RAB19: variants seen among roughly 807,000 people sequenced by gnomAD.
The protein encoded by RAB19 is RAB19, member RAS oncogene family, also known as ras-related protein Rab-19.
A neutral mutation model predicts 17.3 loss-of-function variants in RAB19; 21 were observed. The observed-to-expected ratio is 1.21, with a 90% CI of 0.86 to 1.74. The LOEUF (loss-of-function observed/expected upper bound fraction) is 1.74, where lower values mean the gene tolerates loss of function less well. Among genes scored for constraint, RAB19 ranks in the 40% most tolerant of loss-of-function variants. RAB19 has a pLI of 0.00. For synonymous variants in RAB19, 126 were observed against 110.4 expected, an observed-to-expected ratio of 1.14 and a Z score of -0.88; for missense variants, 277 against 286.8, an observed-to-expected ratio of 0.97 and a Z score of 0.25.
intron 1 of RAB19, 165 bp from the exon 2 acceptor site, chr7:140,407,459 G>C: frequency 1.7e-6 from 1 of 584,892 alleles, no homozygotes; most frequent in South Asian, 2.0e-5. Flanking sequence ...ATCAACACAC[G>C]TAGGGCAGAT....
At chr7:140,417,476 G>A (rs998592194) in intron 3 of RAB19, among the ~76,000 whole-genome samples, 12 of 152,078 alleles carry the variant, frequency 7.9e-5, no homozygotes, top group Admixed American at 4.6e-4. Flanking sequence ...GGCTGCAGGG[G>A]TTCCTTTTCC....
At position 140,426,254 on chromosome 7, in the gene RAB19, G is replaced by A. The variant is rs1799670909; in HGVS notation, c.*104G>A. The A allele has an allele frequency of 1.5e-6, 2 of 1,358,496 alleles. No individual in the cohort carries two copies. The highest frequency in any genetic ancestry group is 1.4e-5 in the South Asian group (1 of 69,202). 84.2% of individuals were successfully genotyped at this position (1,358,496 alleles called of 1,614,324 possible). A position where few individuals can be genotyped will look rare whatever the true frequency, so the allele number is the denominator to read the frequency against. On this transcript the variant is annotated 3_prime_UTR_variant, in exon 4 of 4. Transcript: ENST00000537763. ...CCAGTGGCGCTTTAGACCCCAGCGT[G>A]GACTTGCCGCTCACCCCTAATCCTC...
chr7:140,414,953 C>T (rs1244229598), intron 3 of RAB19, among the ~76,000 whole-genome samples: 1 of 152,094 alleles, frequency 6.6e-6, no homozygotes, highest in East Asian at 1.9e-4. Flanking sequence ...TGTACATATT[C>T]CTGAACATGG....
chr7:140,414,987 G>A (rs1282437681), intron 3 of RAB19, among the ~76,000 whole-genome samples: 1 of 151,964 alleles, frequency 6.6e-6, no homozygotes, highest in Non-Finnish European at 1.5e-5. Flanking sequence ...TCAGGTCCCA[G>A]CCCTGCTTTC....
intron 1 of RAB19, among the ~76,000 whole-genome samples, chr7:140,406,892 G>GTT (rs200062741): frequency 2.7e-5 from 4 of 146,574 alleles, no homozygotes; most frequent in African/African-American, 1.0e-4. Flanking sequence ...TTTTTTGGGT[G>GTT]TTTTTTTTTT....
chr7:140,410,701 C>T (rs1006902719), intron 2 of RAB19, among the ~76,000 whole-genome samples: 11 of 57,650 alleles, frequency 1.9e-4, no homozygotes, highest in Admixed American at 6.9e-4. Context: ...TTAAGCGATC[C>T]GCCACCTCAG....
intron 1 of RAB19, 91 bp from the exon 2 acceptor site, chr7:140,407,533 G>C: frequency 1.1e-6 from 1 of 869,678 alleles, no homozygotes; most frequent in South Asian, 1.5e-5. Context: ...CTCTCACAAG[G>C]ATGTAGCACT....
intron 3 of RAB19, among the ~76,000 whole-genome samples, chr7:140,417,583 T>A (rs1799483149): frequency 6.6e-6 from 1 of 152,098 alleles, no homozygotes; most frequent in Admixed American, 6.6e-5. Context: ...AACACACGCA[T>A]GGTTCTCTTG....
intron 2 of RAB19, among the ~76,000 whole-genome samples, chr7:140,408,173 C>T (rs770792975): frequency 2.0e-5 from 3 of 151,850 alleles, no homozygotes; most frequent in Non-Finnish European, 4.4e-5. Flanking sequence ...GTGTGAGCCA[C>T]CGCGCCTGGC....
rs183743190 is a variant in RAB19, at chr7:140,427,540, C to T, written c.*1390C>T. Among the ~76,000 whole-genome samples, 5 of 150,254 alleles carry T rather than the reference C, an allele frequency of 3.3e-5. No homozygotes were observed. Among genetic ancestry groups the T allele is most frequent in the East Asian group, 2.0e-4 (1 of 5,054 alleles). ...GACCTCGGCTCACTGCAACTTCTGCCTTCCAGATTCAAGTGATTCTCCTGC... is the reference window on the plus strand; with the variant it reads ...GACCTCGGCTCACTGCAACTTCTGCTTTCCAGATTCAAGTGATTCTCCTGC... On this transcript the variant is annotated 3_prime_UTR_variant, in exon 4 of 4. Coordinates refer to ENST00000537763, the MANE Select transcript of RAB19 (RefSeq NM_001008749.3).
intron 2 of RAB19, 86 bp downstream of exon 2, chr7:140,407,933 C>T (rs1442557896): frequency 1.8e-5 from 18 of 1,018,378 alleles, no homozygotes; most frequent in African/African-American, 1.2e-4. Flanking sequence ...CGCGCGATCT[C>T]GGCTCACTGC....
chr7:140,418,368 A>G (rs1799497439), intron 3 of RAB19, among the ~76,000 whole-genome samples: 1 of 143,118 alleles, frequency 7.0e-6, no homozygotes, highest in African/African-American at 2.6e-5. Flanking sequence ...CCTGGGCAAC[A>G]TGGTGAAACC....
intron 3 of RAB19, among the ~76,000 whole-genome samples, chr7:140,424,591 CTCTCTCT>C (rs1799620038): frequency 1.5e-5 from 1 of 65,440 alleles, no homozygotes; most frequent in African/African-American, 1.1e-4. Flanking sequence ...CTCTCCCTCT[CTCTCTCT>C]CTCTCTCTCT....
intron 3 of RAB19, among the ~76,000 whole-genome samples, chr7:140,424,586 C>CCTCTCTCTCT (rs376517516): frequency 6.3e-5 from 8 of 127,636 alleles, no homozygotes; most frequent in African/African-American, 2.5e-4. Flanking sequence ...TGGACCTCTC[C>CCTCTCTCTCT]CTCTCTCTCT....
intron 3 of RAB19, among the ~76,000 whole-genome samples, chr7:140,418,857 TC>T (rs1799509654): frequency 2.9e-5 from 2 of 68,936 alleles, no homozygotes; most frequent in Non-Finnish European, 2.5e-5. Context: ...AAACCCTGTC[TC>T]AAAAAAAAAA....
intron 2 of RAB19, among the ~76,000 whole-genome samples, chr7:140,408,319 G>A (rs73476885): frequency 0.046 from 6,934 of 151,988 alleles, 499 homozygotes; most frequent in African/African-American, 0.16. Flanking sequence ...TCATGGAATG[G>A]GAAAATCAGG....
rs1047250071 is a variant in RAB19 at position 140,413,868 on chromosome 7, C to A, written c.385+1811C>A. ...AGCAATGGTGGCTCCCAGAGAAAGGCGGAATGCACGCATCTCACTTGGGAA... is the reference window on the plus strand; with the variant it reads ...AGCAATGGTGGCTCCCAGAGAAAGGAGGAATGCACGCATCTCACTTGGGAA... On this transcript the variant is annotated intron_variant, in intron 3 of 3. Transcript: ENST00000537763. Among the ~76,000 whole-genome samples the A allele has an allele frequency of 2.6e-5, 4 of 152,196 alleles. No homozygotes were observed. In the East Asian group the frequency reaches 5.8e-4, roughly 22 times the overall value.
At chr7:140,419,391 G>T (rs963976582) in intron 3 of RAB19, among the ~76,000 whole-genome samples, 1 of 151,930 alleles carries the variant, frequency 6.6e-6, no homozygotes, top group South Asian at 2.1e-4. Flanking sequence ...TGTTTTGTAC[G>T]TTATATATAA....
At chr7:140,421,234 C>T (rs1260616206) in intron 3 of RAB19, among the ~76,000 whole-genome samples, 1 of 152,080 alleles carries the variant, frequency 6.6e-6, no homozygotes, top group Non-Finnish European at 1.5e-5. Context: ...CTCTGTCACC[C>T]AGGCTGGAGT....
Sources: allele counts gnomAD v4.1 joint callset (sites outside exome capture counted in the v4.1 genomes callset), GRCh38; gene constraint gnomAD v4.1.1; transcripts MANE v1.5; gene names NCBI Gene and HGNC (gene_info 2026-07-23, HGNC 2026-07-21).